PIM1: variants seen among roughly 807,000 people sequenced by gnomAD.
PIM1 encodes the protein Pim-1 proto-oncogene, serine/threonine kinase.
Under a neutral mutation model 34.5 loss-of-function variants are expected in PIM1, and 9 were observed. The ratio of observed to expected loss-of-function variants is 0.26; its 90% confidence interval spans 0.16 to 0.46. The LOEUF (loss-of-function observed/expected upper bound fraction) is 0.46, where lower values mean the gene tolerates loss of function less well. Ranked by LOEUF, PIM1 falls within the 20% of genes least tolerant of loss-of-function variation. PIM1 has a pLI of 1.00. For missense variants in PIM1, 274 were observed against 410.9 expected, an observed-to-expected ratio of 0.67 and a Z score of 2.88; for synonymous variants, 199 against 175.2, an observed-to-expected ratio of 1.14 and a Z score of -1.07.
chr6:37,170,375 C>T lies in PIM1; in HGVS notation c.-201C>T, dbSNP rs370105824. The T allele has an allele frequency of 2.9e-4, 434 of 1,522,436 alleles. 2 individuals carry two copies. The Admixed American group carries it at 8.3e-3, about 29-fold the overall frequency. The allele number at this position is 1,522,436 out of a possible 1,614,324, so 94.3% of individuals were successfully genotyped here. ...GCCCGACCCCGCTGGCGCGCCCTCC[C>T]GCCGCCAGTCCCGGCAGCGCCCTCA... On this transcript the variant is annotated 5_prime_UTR_variant, in exon 1 of 6. Coordinates refer to ENST00000373509, the MANE Select transcript of PIM1 (RefSeq NM_002648.4).
At position 37,175,379 on chromosome 6, in the gene PIM1, A is replaced by AT. The variant is rs908520530; in HGVS notation, c.*1299dup. 1,829 of 201,148 alleles carry AT rather than the reference A, an allele frequency of 9.1e-3. No individual in the cohort carries two copies. Among genetic ancestry groups the AT allele is most frequent in the Middle Eastern group, 0.022 (13 of 602 alleles). 12.5% of individuals were successfully genotyped at this position (201,148 alleles called of 1,614,324 possible). ...TGTACAGGGGAATAAAAGAGATCTT[A>AT]TTTTTTTTTTTATACTTGGCGTTTT... On this transcript the variant is annotated 3_prime_UTR_variant, in exon 6 of 6. Coordinates refer to ENST00000373509, the MANE Select transcript of PIM1 (RefSeq NM_002648.4).
rs1762254539 is a variant in PIM1, at chr6:37,170,551, C to T, written c.-25C>T. On this transcript the variant is annotated 5_prime_UTR_variant, in exon 1 of 6. Coordinates refer to ENST00000373509, the MANE Select transcript of PIM1 (RefSeq NM_002648.4). ...GCGGCAGCTCCTCTGGGCACCGTCC[C>T]TGCGCCGACATCCTGGAGGTTGGGA... The T allele has an allele frequency of 1.2e-6, 2 of 1,612,304 alleles. No individual in the cohort carries two copies. Among genetic ancestry groups the T allele is most frequent in the Non-Finnish European group, 1.7e-6 (2 of 1,179,546 alleles).
At chr6:37,172,911 AAG>A (rs2113771629) in intron 4 of PIM1, 83 bp from the exon 5 acceptor site, 9 of 1,188,174 alleles carry the variant, frequency 7.6e-6, no homozygotes, top group East Asian at 7.1e-5. Flanking sequence ...TTTTTTTTAA[AAG>A]AAAGAGTTAT....
At chr6:37,173,283 C>G (rs1762341130) in intron 5 of PIM1, 111 bp downstream of exon 5, 1 of 967,976 alleles carries the variant, frequency 1.0e-6, no homozygotes, top group Non-Finnish European at 1.5e-6. Flanking sequence ...TAGATTCTGT[C>G]ACCCTTGGCT....
Position 37,173,115 on chromosome 6 carries a change from G to C in PIM1, c.727G>C (p.Glu243Gln), listed in dbSNP as rs1762337486. The change falls in exon 5 of 6, where the codon GAG becomes CAG. Residue 243 changes from glutamate to glutamine, a missense_variant. By Grantham distance (29) the Glu-to-Gln change is conservative. This residue lies in a region of PIM1 where 168 missense variants were observed against 299.4 expected (regional missense o/e 0.56). Coordinates refer to ENST00000373509, the MANE Select transcript of PIM1 (RefSeq NM_002648.4). ...YDMVCGDIPF[E>Q]HDEEIIRGQV... is the part of the protein sequence containing the mutation. ...TATGGTGTGTGGAGATATTCCTTTC[G>C]AGCATGACGAAGAGATCATCAGGGG... 6.2e-7 allele frequency: 1 copy of C among 1,614,010 alleles called. No individual in the cohort carries two copies. Among genetic ancestry groups the C allele is most frequent in the South Asian group, 1.1e-5 (1 of 91,076 alleles).
chr6:37,171,581 T>C, intron 4 of PIM1, 90 bp downstream of exon 4: 1 of 1,487,588 alleles, frequency 6.7e-7, no homozygotes, highest in South Asian at 1.3e-5. Flanking sequence ...CGCCAGCCTT[T>C]TGTAAAGGTC....
In PIM1 at chr6:37,170,269, GCA is replaced by G; in HGVS notation, c.-306_-305del. The G allele has an allele frequency of 7.4e-7, 1 of 1,351,720 alleles. No homozygotes were observed. Among genetic ancestry groups the G allele is most frequent in the South Asian group, 1.5e-5 (1 of 66,128 alleles). The allele number at this position is 1,351,720 out of a possible 1,614,324, so 83.7% of individuals were successfully genotyped here. ...ACCGGCAGCAGCAGCAGCAGCAGCA[GCA>G]GCAGCAACCACTAGCCTCCTGCCCC... On this transcript the variant is annotated 5_prime_UTR_variant, in exon 1 of 6. Coordinates refer to ENST00000373509, the MANE Select transcript of PIM1 (RefSeq NM_002648.4).
chr6:37,173,730 C>T (rs1431290905), intron 5 of PIM1, among the ~76,000 whole-genome samples: 1 of 152,154 alleles, frequency 6.6e-6, no homozygotes, highest in Non-Finnish European at 1.5e-5. Flanking sequence ...AGAGGGGAGT[C>T]AGTTTTTAGC....
chr6:37,174,233 C>A lies in PIM1; in HGVS notation c.*142C>A. ...CAGGAACAACATTTACAACTCATTCCAGATCCCAGGCCCCTGGAGGCTGCC... is the reference window on the plus strand; with the variant it reads ...CAGGAACAACATTTACAACTCATTCAAGATCCCAGGCCCCTGGAGGCTGCC... On this transcript the variant is annotated 3_prime_UTR_variant, in exon 6 of 6. Transcript: ENST00000373509. The A allele has an allele frequency of 1.2e-6, 1 of 830,646 alleles. No individual in the cohort carries two copies. The highest frequency in any genetic ancestry group is 1.8e-6 in the Non-Finnish European group (1 of 546,334). The allele number at this position is 830,646 out of a possible 1,614,324, so 51.5% of individuals were successfully genotyped here. A position where few individuals can be genotyped will look rare whatever the true frequency, so the allele number is the denominator to read the frequency against.
intron 1 of PIM1, 44 bp from the exon 2 acceptor site, chr6:37,170,729 G>T (rs771385612): frequency 6.2e-7 from 1 of 1,605,132 alleles, no homozygotes; most frequent in Admixed American, 1.7e-5. Context: ...GGAGCTGGCG[G>T]CTCGCGGGCC....
intron 4 of PIM1, chr6:37,172,412 A>T (rs971347462): frequency 8.6e-6 from 3 of 350,384 alleles, no homozygotes; most frequent in South Asian, 4.3e-5. Context: ...GTTTGTAAAC[A>T]GGAATCACGT....
rs914725959 is a variant in PIM1, at chr6:37,174,382, G to C, written c.*291G>C. 3 of 123,228 alleles carry C rather than the reference G, an allele frequency of 2.4e-5. No homozygotes were observed. The East Asian group carries it at 7.4e-4, about 30-fold the overall frequency. The allele number at this position is 123,228 out of a possible 1,614,324, so 7.6% of individuals were successfully genotyped here. ...CTGAAATATCCCGGGGGTGGGGGGTGGGGGTGGGTCAGAACCCTGCCATGG... is the reference window on the plus strand; with the variant it reads ...CTGAAATATCCCGGGGGTGGGGGGTCGGGGTGGGTCAGAACCCTGCCATGG... On this transcript the variant is annotated 3_prime_UTR_variant, in exon 6 of 6. Transcript: ENST00000373509.
chr6:37,175,135 G>T lies in PIM1; in HGVS notation c.*1044G>T, dbSNP rs1214194619. On this transcript the variant is annotated 3_prime_UTR_variant, in exon 6 of 6. Transcript: ENST00000373509. ...GCTTGCTCTGTTTGTGGGGTGACGG[G>T]ACTCAGGCGGGACAGTGCTGCAGCT... The T allele has an allele frequency of 1.3e-5, 3 of 233,472 alleles. No homozygotes were observed. Among genetic ancestry groups the T allele is most frequent in the East Asian group, 1.2e-4 (2 of 16,596 alleles). 14.5% of individuals were successfully genotyped at this position (233,472 alleles called of 1,614,324 possible). A position where few individuals can be genotyped will look rare whatever the true frequency, so the allele number is the denominator to read the frequency against.
Position 37,170,383 on chromosome 6 carries a change from G to T in PIM1, c.-193G>T, listed in dbSNP as rs1326768140. On this transcript the variant is annotated 5_prime_UTR_variant, in exon 1 of 6. Coordinates refer to ENST00000373509, the MANE Select transcript of PIM1 (RefSeq NM_002648.4). ...CCGCTGGCGCGCCCTCCCGCCGCCA[G>T]TCCCGGCAGCGCCCTCAGTTGTCCT... is the stretch of plus-strand genomic sequence containing the variant. The T allele has an allele frequency of 1.3e-5, 20 of 1,524,448 alleles. No homozygotes were observed. The highest frequency in any genetic ancestry group is 1.7e-5 in the Non-Finnish European group (19 of 1,141,942). 94.4% of individuals were successfully genotyped at this position (1,524,448 alleles called of 1,614,324 possible).
intron 4 of PIM1, chr6:37,172,468 G>GA: frequency 2.5e-6 from 1 of 408,140 alleles, no homozygotes; most frequent in Non-Finnish European, 4.9e-6. Flanking sequence ...CCAGTCTAGG[G>GA]AGGAAAGGGT....
rs771904025 is a variant in PIM1 at position 37,170,503 on chromosome 6, G to A, written c.-73G>A. The A allele has an allele frequency of 1.9e-6, 3 of 1,599,576 alleles. No homozygotes were observed. Among genetic ancestry groups the A allele is most frequent in the Middle Eastern group, 3.3e-4 (2 of 6,038 alleles). On this transcript the variant is annotated 5_prime_UTR_variant, in exon 1 of 6. Transcript: ENST00000373509. The stretch of plus-strand genomic sequence containing the variant: ...GCCACAGCCCCAGGCATAGCCTTCG[G>A]CACAGCCCCGGCTCCGGCTCCTGCG...
chr6:37,172,679 C>G (rs963518794), intron 4 of PIM1: 10 of 541,560 alleles, frequency 1.8e-5, no homozygotes, highest in Admixed American at 6.7e-5. Flanking sequence ...ATCCCTTCAT[C>G]CTTCGCAGGC....
chr6:37,174,744 T>TC lies in PIM1; in HGVS notation c.*655dup, dbSNP rs1201768341. The TC allele has an allele frequency of 4.3e-6, 1 of 233,606 alleles. No homozygotes were observed. Among genetic ancestry groups the TC allele is most frequent in the African/African-American group, 2.2e-5 (1 of 45,344 alleles). The allele number at this position is 233,606 out of a possible 1,614,324, so 14.5% of individuals were successfully genotyped here. A position where few individuals can be genotyped will look rare whatever the true frequency, so the allele number is the denominator to read the frequency against. On this transcript the variant is annotated 3_prime_UTR_variant, in exon 6 of 6. Coordinates refer to ENST00000373509, the MANE Select transcript of PIM1 (RefSeq NM_002648.4). ...TTTTTTCTGCCTCCTTTAGTAAAAC[T>TC]CCGAGTGAACTGGTCTTCCTTTTTG...
At position 37,174,424 on chromosome 6, in the gene PIM1, A is replaced by T; in HGVS notation, c.*333A>T. 3.5e-6 allele frequency: 1 copy of T among 283,816 alleles called. No individual in the cohort carries two copies. Among genetic ancestry groups the T allele is most frequent in the Non-Finnish European group, 6.8e-6 (1 of 147,458 alleles). The allele number at this position is 283,816 out of a possible 1,614,324, so 17.6% of individuals were successfully genotyped here. ...CTGCCATGGAACTGTTTCCTTCATC[A>T]TGAGTTCTGCTGAATGCCGCGATGG... is the stretch of plus-strand genomic sequence containing the variant. On this transcript the variant is annotated 3_prime_UTR_variant, in exon 6 of 6. Coordinates refer to ENST00000373509, the MANE Select transcript of PIM1 (RefSeq NM_002648.4).
Sources: allele counts gnomAD v4.1 joint callset (sites outside exome capture counted in the v4.1 genomes callset), GRCh38; gene constraint gnomAD v4.1.1; regional missense constraint gnomAD v4.1.1; transcripts MANE v1.5; gene names NCBI Gene and HGNC (gene_info 2026-07-23, HGNC 2026-07-21).